Variants in MYO9B observed in about 807,000 individuals in gnomAD.
MYO9B encodes myosin IXB.
MYO9B carries 71 observed loss-of-function variants against 229.5 expected under a neutral mutation model. That is an observed-to-expected ratio of 0.31 (90% CI 0.26 to 0.38). The LOEUF is 0.38. Ranked by LOEUF, MYO9B falls within the 10% of genes least tolerant of loss-of-function variation. The pLI is 1.00. For synonymous variants in MYO9B, 1,185 were observed against 1,235.8 expected, an observed-to-expected ratio of 0.96 and a Z score of 0.86; for missense variants, 2,255 against 2,920.5, an observed-to-expected ratio of 0.77 and a Z score of 5.25.
chr19:17,136,322 A>G (rs1266707003), intron 2 of MYO9B, among the ~76,000 whole-genome samples: 1 of 152,154 alleles, frequency 6.6e-6, no homozygotes, highest in Non-Finnish European at 1.5e-5. Context: ...CAAGGAGACG[A>G]GTCAGTGCCT....
chr19:17,111,865 A>G (rs2057850939), intron 2 of MYO9B, among the ~76,000 whole-genome samples: 1 of 152,180 alleles, frequency 6.6e-6, no homozygotes. Context: ...TTTCAGATCA[A>G]TGGAATCTCT....
At chr19:17,123,103 A>C (rs1439631585) in intron 2 of MYO9B, among the ~76,000 whole-genome samples, 1 of 152,142 alleles carries the variant, frequency 6.6e-6, no homozygotes, top group Non-Finnish European at 1.5e-5. Flanking sequence ...TAAATAATAA[A>C]TAAGTAAATA....
At position 17,212,010 on chromosome 19, in the gene MYO9B, C is replaced by T. The variant is rs940783670; in HGVS notation, c.6174C>T (p.Thr2058=). ...PSSFVTVRVK[T]PRRTPIMPTA... is the part of the protein sequence containing the mutation. ...CCTTCGTAACGGTCAGAGTGAAGAC[C>T]CCCCGGCGGACCCCCATCATGCCCA... The change falls in exon 40 of 40, where the codon ACC becomes ACT. Residue 2058 remains threonine, a synonymous_variant. Coordinates refer to ENST00000682292, the MANE Select transcript of MYO9B (RefSeq NM_004145.4). The surrounding 1 kb of genome is among the most constrained non-coding windows in gnomAD (Gnocchi z 5.4). The T allele has an allele frequency of 8.1e-6, 13 of 1,608,542 alleles. No individual in the cohort carries two copies. Among genetic ancestry groups the T allele is most frequent in the South Asian group, 1.1e-5 (1 of 90,714 alleles).
intron 3 of MYO9B, among the ~76,000 whole-genome samples, chr19:17,148,662 C>G (rs1272612297): frequency 6.6e-6 from 1 of 152,202 alleles, no homozygotes; most frequent in Non-Finnish European, 1.5e-5. Context: ...CTGCTCACTG[C>G]AACCTCCGCC....
At chr19:17,087,177 G>T (rs2057591056) in intron 1 of MYO9B, among the ~76,000 whole-genome samples, 1 of 152,188 alleles carries the variant, frequency 6.6e-6, no homozygotes. Flanking sequence ...CAGATCACAG[G>T]GAGGGAGACC....
Position 17,173,046 on chromosome 19 carries a change from A to G in MYO9B, c.2140+83A>G, listed in dbSNP as rs533163448. On this transcript the variant is annotated intron_variant, in intron 13 of 39. Transcript: ENST00000682292. ...GAGTTCATCTTAAAGTGAACACTTC[A>G]GTGGCATTTAGTACATTCATTATGT... is the stretch of plus-strand genomic sequence containing the variant. The G allele has an allele frequency of 3.4e-5, 49 of 1,445,412 alleles. No individual in the cohort carries two copies. The African/African-American group carries it at 4.5e-4, about 13-fold the overall frequency. 89.5% of individuals were successfully genotyped at this position (1,445,412 alleles called of 1,614,324 possible).
intron 24 of MYO9B, among the ~76,000 whole-genome samples, chr19:17,199,046 T>G (rs1208506350): frequency 2.0e-5 from 3 of 151,690 alleles, no homozygotes; most frequent in Admixed American, 2.0e-4. Flanking sequence ...GCAAAAAAAT[T>G]TCAAAAATTA....
At chr19:17,187,773 C>T (rs1220362599) in intron 18 of MYO9B, among the ~76,000 whole-genome samples, 162 bp from the exon 19 acceptor site, 1 of 152,026 alleles carries the variant, frequency 6.6e-6, no homozygotes, top group African/African-American at 2.4e-5. Flanking sequence ...TAGCCAGCAC[C>T]CACGTGTGCA....
At position 17,125,658 on chromosome 19, in the gene MYO9B, C is replaced by T. The variant is rs150854570; in HGVS notation, c.841-19739C>T. On this transcript the variant is annotated intron_variant, in intron 2 of 39. Transcript: ENST00000682292. ...GTTTCAGTGTTTGCTGTAATGCCAT[C>T]TGCGTCTGTGGCTGACAGTTGGTGT... 4.1e-3 allele frequency among the ~76,000 whole-genome samples: 617 copies of T among 152,242 alleles called. 4 individuals are homozygous for T. Among genetic ancestry groups the T allele is most frequent in the African/African-American group, 0.013 (560 of 41,532 alleles).
chr19:17,197,846 G>T lies in MYO9B; in HGVS notation c.4101G>T (p.Leu1367=). The change falls in exon 23 of 40, where the codon CTG becomes CTT. Residue 1367 remains leucine (L), a synonymous_variant. Coordinates refer to ENST00000682292, the MANE Select transcript of MYO9B (RefSeq NM_004145.4). ...TSDVSKLLPS[L]AKAQPAAETT... ...ACGTCTCCAAGCTCCTCCCGTCCCT[G>T]GCCAAGGCTCAGGTAACAACAACAC... 1 of 1,613,382 alleles carries T rather than the reference G, an allele frequency of 6.2e-7. No individual in the cohort carries two copies. Among genetic ancestry groups the T allele is most frequent in the Non-Finnish European group, 8.5e-7 (1 of 1,179,884 alleles).
chr19:17,194,052 A>C (rs1212453202), intron 21 of MYO9B, among the ~76,000 whole-genome samples: 1 of 152,064 alleles, frequency 6.6e-6, no homozygotes, highest in African/African-American at 2.4e-5. Flanking sequence ...CATGTCTATA[A>C]TCTCAGTTAC....
intron 2 of MYO9B, among the ~76,000 whole-genome samples, chr19:17,137,194 C>T (rs187331443): frequency 2.7e-5 from 4 of 150,270 alleles, no homozygotes; most frequent in African/African-American, 4.9e-5. Flanking sequence ...TGCCATTGCA[C>T]TCCAGCCTGG....
At position 17,153,871 on chromosome 19, in the gene MYO9B, A is replaced by G; in HGVS notation, c.999-96A>G. 1.2e-5 allele frequency: 10 copies of G among 846,526 alleles called. No individual in the cohort carries two copies. In the South Asian group the frequency reaches 1.4e-4, roughly 12 times the overall value. 52.4% of individuals were successfully genotyped at this position (846,526 alleles called of 1,614,324 possible). On this transcript the variant is annotated intron_variant, in intron 4 of 39. Transcript: ENST00000682292. Reference sequence around the variant, plus strand: ...ACTGTTTTAAATTTGTACATATTTGAGGTGTGCTCTCCAAAGCCATGTTAG... The same window carrying G: ...ACTGTTTTAAATTTGTACATATTTGGGGTGTGCTCTCCAAAGCCATGTTAG...
intron 8 of MYO9B, among the ~76,000 whole-genome samples, chr19:17,161,475 T>TA (rs1294675072): frequency 6.6e-6 from 1 of 151,920 alleles, no homozygotes; most frequent in African/African-American, 2.4e-5. Flanking sequence ...GCCCAGGAGT[T>TA]AGAGTCCAGC....
chr19:17,098,934 A>C (rs1055711220), intron 1 of MYO9B, among the ~76,000 whole-genome samples: 106 of 98,572 alleles, frequency 1.1e-3, no homozygotes, highest in African/African-American at 3.0e-3. Context: ...AGACCCTGAC[A>C]AAAAAAAAAA....
chr19:17,110,509 G>A (rs1248179688), intron 2 of MYO9B, among the ~76,000 whole-genome samples: 2 of 152,194 alleles, frequency 1.3e-5, no homozygotes, highest in Admixed American at 6.5e-5. Flanking sequence ...CCAGGCACTC[G>A]CCTCGGTGCC....
At chr19:17,133,963 G>A (rs1009907024) in intron 2 of MYO9B, among the ~76,000 whole-genome samples, 8 of 151,966 alleles carry the variant, frequency 5.3e-5, no homozygotes, top group African/African-American at 9.6e-5. Context: ...GGGTTTCACC[G>A]TGTTAGCCAG....
chr19:17,153,695 C>CAAAA (rs60449061), intron 4 of MYO9B, among the ~76,000 whole-genome samples: 2 of 120,680 alleles, frequency 1.7e-5, no homozygotes, highest in African/African-American at 6.0e-5. Context: ...GACCGTATCT[C>CAAAA]AAAAAAAAAA....
intron 2 of MYO9B, among the ~76,000 whole-genome samples, chr19:17,111,995 G>T (rs1031369793): frequency 4.6e-5 from 7 of 152,162 alleles, no homozygotes; most frequent in African/African-American, 1.7e-4. Context: ...ATATTCCACG[G>T]TATGGATGGA....
Sources: gnomAD v4.1 joint callset for allele counts (sites outside exome capture counted in the v4.1 genomes callset) on GRCh38, gnomAD v4.1.1 for gene constraint, Gnocchi (gnomAD v3.1) non-coding constraint, MANE v1.5 for transcripts, NCBI Gene and HGNC (gene_info 2026-07-23, HGNC 2026-07-21) for gene names.